Variants in GAPVD1 observed in about 807,000 individuals in gnomAD.
GAPVD1 encodes the protein GTPase-activating protein and VPS9 domain-containing protein 1.
Under a neutral mutation model 155.5 loss-of-function variants are expected in GAPVD1, and 35 were observed. The observed-to-expected ratio is 0.23, with a 90% CI of 0.17 to 0.30. GAPVD1 has a LOEUF of 0.30. GAPVD1 is among the 10% of genes least tolerant of loss of function. The probability of loss-of-function intolerance (pLI) is 1.00; values close to 1 mark genes in which losing one functional copy is unlikely to be tolerated. For synonymous variants in GAPVD1, 636 were observed against 619.7 expected (o/e 1.03, Z -0.39); for missense variants, 1,429 against 1,775.7 (o/e 0.80, Z 3.51).
intron 6 of GAPVD1, among the ~76,000 whole-genome samples, chr9:125,307,055 C>T (rs1232399754): frequency 6.6e-6 from 1 of 151,966 alleles, no homozygotes; most frequent in Non-Finnish European, 1.5e-5. Flanking sequence ...CACCTGAGGT[C>T]AGGAGTTCAA....
intron 2 of GAPVD1, among the ~76,000 whole-genome samples, chr9:125,292,400 A>ATT (rs869107135): frequency 2.2e-4 from 32 of 146,056 alleles, no homozygotes; most frequent in African/African-American, 7.7e-4. Context: ...TCCAGGGTAG[A>ATT]TTTTTTTTTT....
At chr9:125,271,051 A>G (rs539842174) in intron 2 of GAPVD1, among the ~76,000 whole-genome samples, 3 of 152,288 alleles carry the variant, frequency 2.0e-5, no homozygotes, top group African/African-American at 7.2e-5. Flanking sequence ...ATACCTGATA[A>G]ATGCTTGTGT....
Position 125,321,468 on chromosome 9 carries a change from A to T in GAPVD1, c.1638A>T (p.Gly546=). The T allele has an allele frequency of 1.2e-6, 2 of 1,612,036 alleles. No homozygotes were observed. The highest frequency in any genetic ancestry group is 1.7e-6 in the Non-Finnish European group (2 of 1,178,130). ...TGCAGCTTTCGGATGGAGGACAAGG[A>T]GATGTCCCTGTTGATGAAAACAAAC... ...LNMQLSDGGQ[G]DVPVDENKLH... is the part of the protein sequence containing the mutation. Residue 546 remains glycine, a synonymous_variant, in exon 10 of 28, where the codon GGA becomes GGT. Coordinates refer to ENST00000297933, the MANE Select transcript of GAPVD1 (RefSeq NM_001282680.3).
Position 125,359,429 on chromosome 9 carries a change from T to G in GAPVD1, c.3981T>G (p.His1327Gln). Residue 1327 changes from histidine to glutamine, a missense_variant, in exon 26 of 28, where the codon CAT becomes CAG. His to Gln is a conservative substitution (Grantham distance 24). Coordinates refer to ENST00000297933, the MANE Select transcript of GAPVD1 (RefSeq NM_001282680.3). ...TTTGGGGGGTTTTCAGGGTTCTTCA[T>G]GAACATATCCAGAGATTGTCTAAAG... is the stretch of plus-strand genomic sequence containing the variant. Reference protein sequence around the residue: ...DGDILRDQVLHEHIQRLSKVV... With the variant: ...DGDILRDQVLQEHIQRLSKVV... 1 of 1,584,638 alleles carries G rather than the reference T, an allele frequency of 6.3e-7. No homozygotes were observed. The highest frequency in any genetic ancestry group is 1.1e-5 in the South Asian group (1 of 90,492).
chr9:125,355,117 AT>A (rs990616615), intron 24 of GAPVD1, among the ~76,000 whole-genome samples: 3 of 151,866 alleles, frequency 2.0e-5, no homozygotes, highest in East Asian at 1.9e-4. Context: ...AGCCAAACAT[AT>A]TTTTTTTAGA....
rs747079475 is a variant in GAPVD1, at chr9:125,312,441, T to A, written c.1442-11T>A. On this transcript the variant is annotated splice_polypyrimidine_tract_variant and intron_variant, in intron 8 of 27. Transcript: ENST00000297933. The stretch of plus-strand genomic sequence containing the variant: ...TTTCTCTAAATTATTTTATTTGAAA[T>A]TTTTTATTAGCAACTCGGAGCAGAA... 2.5e-5 allele frequency: 38 copies of A among 1,540,236 alleles called. No homozygotes were observed. Among genetic ancestry groups the A allele is most frequent in the Non-Finnish European group, 3.2e-5 (37 of 1,142,100 alleles).
intron 8 of GAPVD1, chr9:125,309,930 A>G: frequency 2.1e-6 from 1 of 466,742 alleles, no homozygotes; most frequent in Non-Finnish European, 4.4e-6. Flanking sequence ...GCAACCCAGG[A>G]CAACAGTTAG....
chr9:125,359,556 A>G lies in GAPVD1; in HGVS notation c.4044+64A>G, dbSNP rs1850627316. The G allele has an allele frequency of 2.4e-5, 20 of 817,428 alleles. No individual in the cohort carries two copies. In the South Asian group the frequency reaches 2.8e-4, roughly 11 times the overall value. 50.6% of individuals were successfully genotyped at this position (817,428 alleles called of 1,614,324 possible). ...ATGCTGCGTGTTATTATACCATATA[A>G]TGTTACCACGTGTTCAAGGAACTGA... On this transcript the variant is annotated intron_variant, in intron 26 of 27. Transcript: ENST00000297933.
intron 2 of GAPVD1, among the ~76,000 whole-genome samples, chr9:125,294,376 C>A (rs1839490136): frequency 7.2e-6 from 1 of 138,314 alleles, no homozygotes; most frequent in African/African-American, 2.7e-5. Flanking sequence ...GAGACGGAAT[C>A]TCGCTCTGTC....
chr9:125,320,819 G>T (rs1053423397), intron 9 of GAPVD1, among the ~76,000 whole-genome samples: 2 of 151,826 alleles, frequency 1.3e-5, no homozygotes, highest in African/African-American at 4.8e-5. Flanking sequence ...GTAGAGATGG[G>T]GTTTCACCAT....
intron 14 of GAPVD1, 137 bp from the exon 15 acceptor site, chr9:125,332,373 G>T: frequency 1.5e-6 from 1 of 669,452 alleles, no homozygotes; most frequent in South Asian, 1.9e-5. Flanking sequence ...GTACCATAAA[G>T]GATATAATAC....
In GAPVD1 at chr9:125,293,842, A is replaced by AAATATATTTTATATATAT. The variant is rs1564310397; in HGVS notation, c.-149-1614_-149-1613insTATATTTTATATATATAA. 4.4e-3 allele frequency among the ~76,000 whole-genome samples: 343 copies of AAATATATTTTATATATAT among 77,964 alleles called. 10 individuals are homozygous for AAATATATTTTATATATAT. The highest frequency in any genetic ancestry group is 0.019 in the African/African-American group (320 of 16,796). 51.1% of individuals were successfully genotyped at this position (77,964 alleles called of 152,430 possible). A position where few individuals can be genotyped will look rare whatever the true frequency, so the allele number is the denominator to read the frequency against. On this transcript the variant is annotated intron_variant, in intron 2 of 27. Transcript: ENST00000297933. ...TGAAATATAAAAAAATATATATATA[A>AAATATATTTTATATATAT]AAATATATTTTATATATATATATAT...
rs557527245 is a variant in GAPVD1, at chr9:125,328,806, C to T, written c.2033-1272C>T. Among the ~76,000 whole-genome samples the T allele has an allele frequency of 1.7e-3, 253 of 148,510 alleles. 1 individual carries two copies. Among genetic ancestry groups the T allele is most frequent in the African/African-American group, 5.9e-3 (235 of 39,540 alleles). On this transcript the variant is annotated intron_variant, in intron 12 of 27. Coordinates refer to ENST00000297933, the MANE Select transcript of GAPVD1 (RefSeq NM_001282680.3). Reference sequence around the variant, plus strand: ...GCAGAGGCGCCCCTCACCTCCCGGACGAGGCGGCTGGCCGGGCAGGGGGCT... The same window carrying T: ...GCAGAGGCGCCCCTCACCTCCCGGATGAGGCGGCTGGCCGGGCAGGGGGCT...
At chr9:125,311,429 C>T (rs1035259100) in intron 8 of GAPVD1, among the ~76,000 whole-genome samples, 3 of 152,098 alleles carry the variant, frequency 2.0e-5, no homozygotes, top group African/African-American at 7.2e-5. Flanking sequence ...CAAGACCAGC[C>T]TGAGCAACAT....
At chr9:125,348,370 T>A (rs1280695714) in intron 20 of GAPVD1, among the ~76,000 whole-genome samples, 2 of 152,072 alleles carry the variant, frequency 1.3e-5, no homozygotes, top group African/African-American at 4.8e-5. Context: ...ATTTATATAT[T>A]TTTTTGTAGA....
chr9:125,329,400 C>T lies in GAPVD1; in HGVS notation c.2033-678C>T, dbSNP rs188510270. ...CTTTGTAGGGCTATAAATTTTAGAA[C>T]GATATTAAGGACCCCTGTAAAATTT... On this transcript the variant is annotated intron_variant, in intron 12 of 27. Coordinates refer to ENST00000297933, the MANE Select transcript of GAPVD1 (RefSeq NM_001282680.3). 2.6e-3 allele frequency among the ~76,000 whole-genome samples: 398 copies of T among 152,164 alleles called. 3 individuals carry two copies. The highest frequency in any genetic ancestry group is 5.2e-3 in the Admixed American group (79 of 15,272).
intron 9 of GAPVD1, among the ~76,000 whole-genome samples, chr9:125,318,185 T>C (rs1358263272): frequency 2.6e-5 from 4 of 152,064 alleles, no homozygotes; most frequent in Non-Finnish European, 5.9e-5. Flanking sequence ...GGGTTTCACT[T>C]TATGTTGGCC....
intron 2 of GAPVD1, among the ~76,000 whole-genome samples, chr9:125,270,195 G>A (rs918929395): frequency 6.6e-6 from 1 of 152,012 alleles, no homozygotes; most frequent in East Asian, 1.9e-4. Context: ...TTGGGAGGCC[G>A]AGGTGGGCGA....
rs746643145 is a variant in GAPVD1, at chr9:125,330,120, C to G, written c.2075C>G (p.Pro692Arg). 8.1e-6 allele frequency: 13 copies of G among 1,612,264 alleles called. No homozygotes were observed. The East Asian group carries it at 2.9e-4, about 36-fold the overall frequency. The change falls in exon 13 of 28, where the codon CCA becomes CGA. Residue 692 changes from proline (P) to arginine (R), a missense_variant. Physicochemically the swap from Pro to Arg is moderately radical, Grantham distance 103 (BLOSUM62 -2). Transcript: ENST00000297933. ...ATGTTAGGCAGTTTGCTGTGCCTCC[C>G]AGGTTCAGGGTCAGTGCTTCTTGAC... ...ENMLGSLLCLPGSGSVLLDPC... is the reference protein window; with the variant it reads ...ENMLGSLLCLRGSGSVLLDPC...
Sources: allele counts gnomAD v4.1 joint callset (sites outside exome capture counted in the v4.1 genomes callset), GRCh38; gene constraint gnomAD v4.1.1; transcripts MANE v1.5; gene names NCBI Gene and HGNC (gene_info 2026-07-23, HGNC 2026-07-21).